BBOF1: variants seen among roughly 807,000 people sequenced by gnomAD.
BBOF1 encodes the protein basal body-orientation factor 1.
A neutral mutation model predicts 68.0 loss-of-function variants in BBOF1; 62 were observed. The ratio of observed to expected loss-of-function variants is 0.91; its 90% CI spans 0.74 to 1.13. BBOF1 has a LOEUF of 1.13. BBOF1 is among the 50% of genes most tolerant of loss of function. The pLI is 0.00. For synonymous variants in BBOF1, 208 were observed against 198.8 expected, an observed-to-expected ratio of 1.05 and a Z score of -0.39; for missense variants, 534 against 600.1, an observed-to-expected ratio of 0.89 and a Z score of 1.15.
At chr14:74,021,322 G>C (rs141369765) in intron 1 of BBOF1, among the ~76,000 whole-genome samples, 2 of 151,966 alleles carry the variant, frequency 1.3e-5, no homozygotes, top group Admixed American at 1.3e-4. Flanking sequence ...GTGGGGCATC[G>C]TGGCTCATGC....
At chr14:74,067,396 G>A, downstream of BBOF1, 1 of 1,613,522 alleles carries the variant, frequency 6.2e-7, no homozygotes, top group Non-Finnish European at 8.5e-7. Flanking sequence ...TGACTCTCAG[G>A]TTTTTGGCAT....
chr14:74,038,141 A>G (rs1595047001), intron 4 of BBOF1, among the ~76,000 whole-genome samples: 1 of 152,142 alleles, frequency 6.6e-6, no homozygotes, highest in East Asian at 1.9e-4. Context: ...AGGTGTGAAC[A>G]GTGTTGTCCT....
At chr14:74,023,385 T>A (rs1490846149) in intron 2 of BBOF1, among the ~76,000 whole-genome samples, 1 of 152,198 alleles carries the variant, frequency 6.6e-6, no homozygotes, top group Admixed American at 6.5e-5. Context: ...AGATTGATGA[T>A]CATAAGGGAA....
At chr14:74,047,207 G>T (rs954794115) in intron 6 of BBOF1, among the ~76,000 whole-genome samples, 3 of 152,068 alleles carry the variant, frequency 2.0e-5, no homozygotes, top group African/African-American at 7.2e-5. Context: ...AGGTCTTAAT[G>T]GTTTATTTCT....
chr14:74,042,750 G>A (rs1455500282), intron 5 of BBOF1, among the ~76,000 whole-genome samples: 1 of 152,096 alleles, frequency 6.6e-6, no homozygotes, highest in African/African-American at 2.4e-5. Flanking sequence ...CGGGGCTGCA[G>A]TGAGCCATGA....
intron 11 of BBOF1, chr14:74,059,527 C>A: frequency 2.8e-6 from 1 of 352,670 alleles, no homozygotes; most frequent in Non-Finnish European, 5.5e-6. Flanking sequence ...GAAACCCCGT[C>A]TCTACTAAAA....
chr14:74,046,343 C>G (rs1233758486), intron 6 of BBOF1, among the ~76,000 whole-genome samples: 1 of 152,110 alleles, frequency 6.6e-6, no homozygotes, highest in Admixed American at 6.6e-5. Flanking sequence ...GTGGAAAGAT[C>G]CTGGGCTTTG....
At chr14:74,026,886 C>T (rs1234574593) in intron 2 of BBOF1, among the ~76,000 whole-genome samples, 1 of 151,142 alleles carries the variant, frequency 6.6e-6, no homozygotes, top group Non-Finnish European at 1.5e-5. Flanking sequence ...GATTGCGCCA[C>T]TGCACTCCAC....
intron 11 of BBOF1, chr14:74,060,877 A>G (rs998354095): frequency 4.3e-6 from 3 of 702,336 alleles, no homozygotes; most frequent in Admixed American, 4.3e-5. Context: ...AGAATCCAAT[A>G]TATATTGTTC....
In BBOF1 at chr14:74,064,956, C is replaced by A; in HGVS notation, c.*257C>A. 6.3e-7 allele frequency: 1 copy of A among 1,577,954 alleles called. No homozygotes were observed. The highest frequency in any genetic ancestry group is 8.7e-7 in the Non-Finnish European group (1 of 1,149,740). ...ACAAATCCGTGTCATATCCTAAGGACAAAGGAACTCTCCATTTAGAAACAC... is the reference window on the plus strand; with the variant it reads ...ACAAATCCGTGTCATATCCTAAGGAAAAAGGAACTCTCCATTTAGAAACAC... On this transcript the variant is annotated 3_prime_UTR_variant, in exon 12 of 12. Coordinates refer to ENST00000394009, the MANE Select transcript of BBOF1 (RefSeq NM_025057.3).
At chr14:74,030,743 C>T (rs1337337343) in intron 3 of BBOF1, among the ~76,000 whole-genome samples, 2 of 151,984 alleles carry the variant, frequency 1.3e-5, no homozygotes, top group Non-Finnish European at 2.9e-5. Context: ...ATGATCCGCC[C>T]GCCTTGGCCT....
intron 10 of BBOF1, among the ~76,000 whole-genome samples, chr14:74,080,051 C>T (rs12880122): frequency 6.7e-6 from 1 of 148,838 alleles, no homozygotes; most frequent in Admixed American, 6.6e-5. Flanking sequence ...AAAACAAAAA[C>T]CAAAAAACAA....
chr14:74,064,107 G>A (rs2060411573), intron 11 of BBOF1, among the ~76,000 whole-genome samples: 1 of 151,718 alleles, frequency 6.6e-6, no homozygotes, highest in Non-Finnish European at 1.5e-5. Context: ...AGACCAGCCT[G>A]GCCAACATGG....
intron 12 of BBOF1, chr14:74,082,756 G>A (rs1035541725): frequency 6.6e-6 from 1 of 152,042 alleles, no homozygotes; most frequent in Non-Finnish European, 1.5e-5. Context: ...ACTCCTAGTT[G>A]GCTGAGGATT....
chr14:74,072,280 GA>G, intron 9 of BBOF1: 2 of 1,614,258 alleles, frequency 1.2e-6, no homozygotes, highest in Non-Finnish European at 1.7e-6. Context: ...GCCCATGCAG[GA>G]AAAGCACGTT....
rs533886673 is a variant in BBOF1 at position 74,023,741 on chromosome 14, C to T, written c.285+597C>T. Among the ~76,000 whole-genome samples the T allele has an allele frequency of 2.0e-5, 3 of 151,956 alleles. No individual in the cohort carries two copies. The East Asian group carries it at 5.8e-4, about 29-fold the overall frequency. ...GACCAGCCTGGGCAACACAGTGAAA[C>T]CCCGTCTCTACTAAAATACAAAAAA... On this transcript the variant is annotated intron_variant, in intron 2 of 11. Transcript: ENST00000394009.
intron 9 of BBOF1, chr14:74,071,200 T>C (rs765419632): frequency 6.2e-7 from 1 of 1,614,104 alleles, no homozygotes; most frequent in South Asian, 1.1e-5. Flanking sequence ...GTTACCTTCA[T>C]GCTGTCCATG....
intron 11 of BBOF1, chr14:74,057,491 G>A (rs2060242155): frequency 7.1e-7 from 1 of 1,404,010 alleles, no homozygotes. Context: ...AAACCTATAG[G>A]TTGCCTTTTG....
chr14:74,022,860 T>C, intron 1 of BBOF1, 56 bp from the exon 2 acceptor site: 1 of 884,950 alleles, frequency 1.1e-6, no homozygotes, highest in Non-Finnish European at 1.7e-6. Context: ...ATATACTATC[T>C]GCATATTAGA....
Sources: gnomAD v4.1 joint callset for allele counts (sites outside exome capture counted in the v4.1 genomes callset) on GRCh38, gnomAD v4.1.1 for gene constraint, MANE v1.5 for transcripts, NCBI Gene and HGNC (gene_info 2026-07-23, HGNC 2026-07-21) for gene names.